Variants in PKD1 observed in about 807,000 individuals in gnomAD.
The protein encoded by PKD1 is polycystin 1, transient receptor potential channel interacting.
In PKD1, 81 loss-of-function variants were observed where a neutral mutation model predicts 361.7. That is an observed-to-expected ratio of 0.22 (90% CI 0.19 to 0.27). PKD1 has a LOEUF of 0.27. Ranked by LOEUF, PKD1 falls within the 10% of genes least tolerant of loss-of-function variation. The pLI is 1.00. For synonymous variants in PKD1, 3,615 were observed against 2,818.3 expected, an observed-to-expected ratio of 1.28 and a Z score of -8.95; for missense variants, 6,399 against 6,118.3, an observed-to-expected ratio of 1.05 and a Z score of -1.53.
chr16:2,096,906 C>A (rs1432991930), intron 34 of PKD1: 5 of 576,594 alleles, frequency 8.7e-6, no homozygotes, highest in South Asian at 2.1e-5. Flanking sequence ...CACACAGGAG[C>A]CTTTCTGCTC....
At chr16:2,098,893 C>T (rs1596508141) in intron 30 of PKD1, 5 of 142,618 alleles carry the variant, frequency 3.5e-5, no homozygotes, top group African/African-American at 1.2e-4. Context: ...TGCAGTGGCG[C>T]AATCTCGGCT....
chr16:2,096,957 G>A, intron 34 of PKD1, 191 bp downstream of exon 34: 1 of 612,920 alleles, frequency 1.6e-6, no homozygotes, highest in Non-Finnish European at 2.9e-6. Flanking sequence ...TAGAGGGAAG[G>A]TTCTGGGGCC....
Position 2,117,548 on chromosome 16 carries a change from G to T in PKD1, c.1326C>A (p.Ala442=). The T allele has an allele frequency of 6.2e-7, 1 of 1,600,278 alleles. No homozygotes were observed. The highest frequency in any genetic ancestry group is 8.5e-7 in the Non-Finnish European group (1 of 1,174,798). Residue 442 remains alanine, a synonymous_variant, in exon 6 of 46, where the codon GCC becomes GCA. Coordinates refer to ENST00000262304, the MANE Select transcript of PKD1 (RefSeq NM_001009944.3). The part of the protein sequence containing the change: ...AQEQCQAWAG[A]ALAMVDSPAV... ...CGGGACTGTCCACCATTGCCAGGGC[G>T]GCCCCGGCCCAGGCCTGACACTGCT...
At chr16:2,096,432 G>A (rs1453541858) in intron 34 of PKD1, among the ~76,000 whole-genome samples, 2 of 152,228 alleles carry the variant, frequency 1.3e-5, no homozygotes, top group Non-Finnish European at 2.9e-5. Context: ...CGGCTGCCAT[G>A]TGCGTGACTA....
chr16:2,103,486 G>T lies in PKD1; in HGVS notation c.8571C>A (p.Ala2857=). 6.2e-7 allele frequency: 1 copy of T among 1,602,452 alleles called. No homozygotes were observed. Among genetic ancestry groups the T allele is most frequent in the Non-Finnish European group, 8.5e-7 (1 of 1,179,682 alleles). ...KVASMAFQTQ[A]GAQIPIERLA... is the part of the protein sequence containing the mutation. ...GCCGCTCGATGGGGATCTGGGCGCC[G>T]GCCTGTGTCTGGAATGCCATCGAGG... is the stretch of plus-strand genomic sequence containing the variant. The change falls in exon 23 of 46, where the codon GCC becomes GCA. Residue 2857 remains alanine, a synonymous_variant. Coordinates refer to ENST00000262304, the MANE Select transcript of PKD1 (RefSeq NM_001009944.3).
chr16:2,107,740 G>A (rs911685556), intron 16 of PKD1, 143 bp downstream of exon 16: 26 of 773,326 alleles, frequency 3.4e-5, no homozygotes, highest in African/African-American at 5.1e-5. Context: ...GCTGAAGCAG[G>A]CTGTCGTGTT....
At chr16:2,127,786 G>A (rs1442323760) in intron 1 of PKD1, among the ~76,000 whole-genome samples, 3 of 151,072 alleles carry the variant, frequency 2.0e-5, no homozygotes, top group African/African-American at 4.9e-5. Context: ...AGGTGGAGGC[G>A]CTGGGACGTG....
In PKD1 at chr16:2,090,407, A is replaced by G; in HGVS notation, c.12322T>C (p.Trp4108Arg). The G allele has an allele frequency of 1.9e-6, 3 of 1,612,630 alleles. No individual in the cohort carries two copies. Among genetic ancestry groups the G allele is most frequent in the Non-Finnish European group, 1.7e-6 (2 of 1,179,904 alleles). The part of the protein sequence containing the change: ...ALRLGAVILR[W>R]RYHALRGELY... ...TCTCCACGCAAGGCGTGGTAGCGCC[A>G]GCGGAGAATAACAGCCCCCAGCCGT... Residue 4108 changes from tryptophan (W) to arginine (R), a missense_variant, in exon 45 of 46, where the codon TGG (tryptophan) becomes CGG (arginine). Coordinates refer to ENST00000262304, the MANE Select transcript of PKD1 (RefSeq NM_001009944.3).
chr16:2,122,474 C>A (rs367700611), intron 1 of PKD1, among the ~76,000 whole-genome samples: 1 of 152,218 alleles, frequency 6.6e-6, no homozygotes, highest in Non-Finnish European at 1.5e-5. Flanking sequence ...GGTAGGGACA[C>A]GGGCTGAGGT....
chr16:2,105,002 G>A (rs1269014524), intron 21 of PKD1, among the ~76,000 whole-genome samples: 1 of 107,250 alleles, frequency 9.3e-6, no homozygotes, highest in African/African-American at 3.6e-5. Flanking sequence ...GCTAGGGGAG[G>A]GGAGGAGGGG....
Position 2,106,257 on chromosome 16 carries a change from G to A in PKD1, c.7537C>T (p.Leu2513=), listed in dbSNP as rs761086147. The stretch of plus-strand genomic sequence containing the variant: ...TGGCCCTGGCGACAGCGCCGCAGCA[G>A]CAGGGCGTACACCAGCGGGGCGCCA... ...DAGAPLVYAL[L]LRRCRQGHCE... is the part of the protein sequence containing the mutation. Residue 2513 remains leucine, a synonymous_variant, in exon 19 of 46, where the codon CTG becomes TTG. Coordinates refer to ENST00000262304, the MANE Select transcript of PKD1 (RefSeq NM_001009944.3). This position sits in a 1 kb window ranked among gnomAD's most constrained non-coding sequence, Gnocchi z 6.5. The A allele has an allele frequency of 1.9e-6, 3 of 1,610,112 alleles. No homozygotes were observed. The highest frequency in any genetic ancestry group is 2.5e-6 in the Non-Finnish European group (3 of 1,179,546).
In PKD1 at chr16:2,107,879, C is replaced by G. The variant is rs1401385792; in HGVS notation, c.7065+4G>C. The stretch of plus-strand genomic sequence containing the variant: ...CAAGTGGCCGAGGGGCGGGCGGCAC[C>G]CACCGTCTGGTTGGTGGCCTCCTCC... On this transcript the variant is annotated splice_donor_region_variant and intron_variant, in intron 16 of 45. Coordinates refer to ENST00000262304, the MANE Select transcript of PKD1 (RefSeq NM_001009944.3). The G allele has an allele frequency of 1.3e-6, 2 of 1,543,518 alleles. No homozygotes were observed. Among genetic ancestry groups the G allele is most frequent in the African/African-American group, 2.7e-5 (2 of 72,966 alleles).
chr16:2,101,188 C>T (rs376777501), intron 26 of PKD1, among the ~76,000 whole-genome samples: 8 of 152,044 alleles, frequency 5.3e-5, no homozygotes, highest in African/African-American at 1.9e-4. Context: ...AGGGTTTCAC[C>T]GTTAGCCAGG....
At chr16:2,130,749 G>C (rs900900825) in intron 1 of PKD1, among the ~76,000 whole-genome samples, 1 of 152,190 alleles carries the variant, frequency 6.6e-6, no homozygotes, top group African/African-American at 2.4e-5. Flanking sequence ...CCCGGGGTCT[G>C]CGCCTGCTGT....
At chr16:2,131,104 G>T (rs1363996473) in intron 1 of PKD1, among the ~76,000 whole-genome samples, 2 of 152,206 alleles carry the variant, frequency 1.3e-5, no homozygotes, top group Non-Finnish European at 2.9e-5. Flanking sequence ...CACCACGGAG[G>T]TGACACCATG....
At position 2,110,780 on chromosome 16, in the gene PKD1, G is replaced by C; in HGVS notation, c.4387C>G (p.Gln1463Glu). 1.2e-6 allele frequency: 2 copies of C among 1,611,014 alleles called. No individual in the cohort carries two copies. The highest frequency in any genetic ancestry group is 8.5e-7 in the Non-Finnish European group (1 of 1,179,816). ...AANDSALVEV[Q>E]EPVLVTSIKV... ...ATGCTGGTGACCAGCACGGGCTCCT[G>C]CACCTCCACCAGGGCTGAGTCATTG... The change falls in exon 15 of 46, where the codon CAG (glutamine) becomes GAG (glutamate). Residue 1463 changes from glutamine to glutamate, a missense_variant. Coordinates refer to ENST00000262304, the MANE Select transcript of PKD1 (RefSeq NM_001009944.3).
Position 2,103,756 on chromosome 16 carries a change from G to T in PKD1, c.8301C>A (p.Arg2767=). 1 of 1,609,982 alleles carries T rather than the reference G, an allele frequency of 6.2e-7. No individual in the cohort carries two copies. Among genetic ancestry groups the T allele is most frequent in the South Asian group, 1.1e-5 (1 of 90,960 alleles). ...GCGTCAGGGGCTCCTCGTTGAGCACGCGGGAGCGCATGAGGATGCGCATGA... is the reference window on the plus strand; with the variant it reads ...GCGTCAGGGGCTCCTCGTTGAGCACTCGGGAGCGCATGAGGATGCGCATGA... ...SALMRILMRS[R]VLNEEPLTLA... The change falls in exon 23 of 46, where the codon CGC becomes CGA. Residue 2767 remains arginine, a synonymous_variant. Transcript: ENST00000262304.
chr16:2,102,608 G>T lies in PKD1; in HGVS notation c.8974C>A (p.His2992Asn). The change falls in exon 25 of 46, where the codon CAT (histidine) becomes AAT (asparagine). Residue 2992 changes from histidine to asparagine, a missense_variant. His to Asn is a moderately conservative substitution (Grantham distance 68). Coordinates refer to ENST00000262304, the MANE Select transcript of PKD1 (RefSeq NM_001009944.3). ...CGGAAGTGGCTGGAGAGGTTCAGAT[G>T]GTAACTCCCCGCTGGGTCTCTGCTC... ...PGSRDPAGSYHLNLSSHFRWS... is the reference protein window; with the variant it reads ...PGSRDPAGSYNLNLSSHFRWS... 2 of 1,611,178 alleles carry T rather than the reference G, an allele frequency of 1.2e-6. No individual in the cohort carries two copies. The highest frequency in any genetic ancestry group is 2.2e-5 in the East Asian group (1 of 44,888).
intron 34 of PKD1, chr16:2,096,864 G>C (rs932625914): frequency 1.2e-4 from 62 of 533,052 alleles, no homozygotes; most frequent in Middle Eastern, 5.0e-4. Context: ...ACTGCTCTGA[G>C]ACCAAGATAA....
Sources: gnomAD v4.1 joint callset for allele counts (sites outside exome capture counted in the v4.1 genomes callset) on GRCh38, gnomAD v4.1.1 for gene constraint, Gnocchi (gnomAD v3.1) non-coding constraint, MANE v1.5 for transcripts, NCBI Gene and HGNC (gene_info 2026-07-23, HGNC 2026-07-21) for gene names.